CACNA2D3: variants seen among roughly 807,000 people sequenced by gnomAD.
The protein encoded by CACNA2D3 is voltage-dependent calcium channel subunit alpha-2/delta-3.
A neutral mutation model predicts 160.6 loss-of-function variants in CACNA2D3; 60 were observed. The ratio of observed to expected loss-of-function variants is 0.37; its 90% CI spans 0.30 to 0.46. CACNA2D3 has a LOEUF of 0.46. Ranked by LOEUF, CACNA2D3 falls within the 20% of genes least tolerant of loss-of-function variation. The pLI is 1.00. For missense variants in CACNA2D3, 1,205 were observed against 1,365.0 expected (o/e 0.88, Z 1.85); for synonymous variants, 558 against 492.9 (o/e 1.13, Z -1.75).
intron 9 of CACNA2D3, among the ~76,000 whole-genome samples, chr3:54,618,000 G>A (rs1162829608): frequency 1.3e-5 from 2 of 151,144 alleles, no homozygotes; most frequent in Non-Finnish European, 2.9e-5. Flanking sequence ...TTTCAACTTG[G>A]ATACTTTCAT....
At chr3:54,722,296 T>G (rs535777815) in intron 11 of CACNA2D3, among the ~76,000 whole-genome samples, 17 of 152,342 alleles carry the variant, frequency 1.1e-4, no homozygotes, top group African/African-American at 4.1e-4. Flanking sequence ...GTTATTCTAG[T>G]AAGCGATTCG....
intron 35 of CACNA2D3, among the ~76,000 whole-genome samples, chr3:55,025,209 G>A (rs1703541316): frequency 6.6e-6 from 1 of 152,152 alleles, no homozygotes; most frequent in Non-Finnish European, 1.5e-5. Context: ...TTGGATTAAA[G>A]AAAGTGACCT....
intron 10 of CACNA2D3, 33 bp downstream of exon 10, chr3:54,627,909 C>G: frequency 7.2e-7 from 1 of 1,395,226 alleles, no homozygotes; most frequent in Non-Finnish European, 1.0e-6. Flanking sequence ...TTTCTCATCC[C>G]TTGGAGAATA....
At chr3:54,255,361 ACCACTCTTGCGGCTTG>A (rs1307115130) in intron 2 of CACNA2D3, among the ~76,000 whole-genome samples, 1 of 152,216 alleles carries the variant, frequency 6.6e-6, no homozygotes, top group African/African-American at 2.4e-5. Flanking sequence ...GCAACGTGGG[ACCACTCTTGCGGCTTG>A]CAAAGAACAG....
intron 35 of CACNA2D3, among the ~76,000 whole-genome samples, chr3:55,046,191 G>A (rs1030023231): frequency 3.4e-5 from 5 of 147,666 alleles, no homozygotes; most frequent in South Asian, 2.2e-4. Flanking sequence ...ATGCTGGTGC[G>A]CTGCACCCAC....
At chr3:54,145,177 G>T (rs1700002029) in intron 2 of CACNA2D3, among the ~76,000 whole-genome samples, 1 of 152,192 alleles carries the variant, frequency 6.6e-6, no homozygotes, top group African/African-American at 2.4e-5. Context: ...TGTTTTAGCA[G>T]TCTAATAAAT....
At chr3:54,806,004 C>A (rs139454618) in intron 13 of CACNA2D3, among the ~76,000 whole-genome samples, 1 of 151,976 alleles carries the variant, frequency 6.6e-6, no homozygotes, top group Non-Finnish European at 1.5e-5. Flanking sequence ...ATTCAACAAC[C>A]CTTCATGCTA....
At chr3:54,915,679 A>T (rs1011596666) in intron 27 of CACNA2D3, among the ~76,000 whole-genome samples, 2 of 152,214 alleles carry the variant, frequency 1.3e-5, no homozygotes, top group Non-Finnish European at 2.9e-5. Flanking sequence ...TTCTCATATT[A>T]ACAAATGATA....
chr3:54,130,336 G>C (rs1349774072), intron 2 of CACNA2D3, among the ~76,000 whole-genome samples: 1 of 152,220 alleles, frequency 6.6e-6, no homozygotes, highest in East Asian at 1.9e-4. Flanking sequence ...CAGGTCAAGA[G>C]CTTGGAGCAT....
chr3:54,312,303 A>C (rs551297892), intron 2 of CACNA2D3, among the ~76,000 whole-genome samples: 5 of 152,176 alleles, frequency 3.3e-5, no homozygotes, highest in African/African-American at 4.8e-5. Flanking sequence ...TTTGATGAGA[A>C]AATCTAGCCA....
intron 2 of CACNA2D3, among the ~76,000 whole-genome samples, chr3:54,202,017 A>G (rs1390010543): frequency 1.3e-5 from 2 of 152,250 alleles, no homozygotes; most frequent in African/African-American, 4.8e-5. Flanking sequence ...TCAGATAAAT[A>G]ACACATAATT....
At chr3:54,257,568 T>TG (rs759476014) in intron 2 of CACNA2D3, among the ~76,000 whole-genome samples, 3 of 152,176 alleles carry the variant, frequency 2.0e-5, no homozygotes, top group Non-Finnish European at 4.4e-5. Context: ...TTGTAGGTCT[T>TG]GTCATGTCAG....
intron 4 of CACNA2D3, among the ~76,000 whole-genome samples, chr3:54,430,419 T>G (rs1699971893): frequency 6.6e-6 from 1 of 152,262 alleles, no homozygotes; most frequent in Admixed American, 6.5e-5. Context: ...GCGGATATTA[T>G]GAAGATTGCC....
intron 2 of CACNA2D3, among the ~76,000 whole-genome samples, chr3:54,190,596 T>C (rs1383477267): frequency 2.0e-5 from 3 of 152,228 alleles, no homozygotes; most frequent in Admixed American, 1.3e-4. Flanking sequence ...TATAGAGACC[T>C]TTGGACATGA....
chr3:54,613,656 G>C (rs1469794648), intron 9 of CACNA2D3, among the ~76,000 whole-genome samples: 1 of 152,190 alleles, frequency 6.6e-6, no homozygotes, highest in African/African-American at 2.4e-5. Flanking sequence ...CAATAACTTA[G>C]TGAACACAAA....
At chr3:54,904,924 TC>T (rs918075535) in intron 27 of CACNA2D3, among the ~76,000 whole-genome samples, 2 of 152,196 alleles carry the variant, frequency 1.3e-5, no homozygotes, top group African/African-American at 4.8e-5. Flanking sequence ...TTGTGTCCCA[TC>T]CCAAAAGCAA....
intron 14 of CACNA2D3, among the ~76,000 whole-genome samples, chr3:54,827,552 C>T (rs369057358): frequency 7.9e-5 from 12 of 152,152 alleles, no homozygotes; most frequent in African/African-American, 2.4e-4. Context: ...TTTTTAAGTC[C>T]TTTTCTTTTA....
chr3:54,179,926 T>A (rs1385382841), intron 2 of CACNA2D3, among the ~76,000 whole-genome samples: 2 of 151,938 alleles, frequency 1.3e-5, no homozygotes, highest in Non-Finnish European at 2.9e-5. Flanking sequence ...AACTAAGACA[T>A]CTTCCAAAAT....
chr3:54,123,194 A>G (rs35294414), intron 1 of CACNA2D3, among the ~76,000 whole-genome samples: 23,687 of 151,478 alleles, frequency 0.16, 1,932 homozygotes, highest in East Asian at 0.19. Flanking sequence ...TCTGACTGCT[A>G]TTTGCCAGGT....
Sources: gnomAD v4.1 joint callset for allele counts (sites outside exome capture counted in the v4.1 genomes callset) on GRCh38, gnomAD v4.1.1 for gene constraint, MANE v1.5 for transcripts, NCBI Gene and HGNC (gene_info 2026-07-23, HGNC 2026-07-21) for gene names.